The following TLN2 variants were observed in gnomAD, a reference collection of about 807,000 sequenced individuals.
TLN2 encodes the protein talin 2.
Under a neutral mutation model 294.7 loss-of-function variants are expected in TLN2, and 118 were observed. The ratio of observed to expected loss-of-function variants is 0.40; its 90% CI spans 0.34 to 0.47. The LOEUF (loss-of-function observed/expected upper bound fraction) is 0.47. Among genes scored for constraint, TLN2 ranks in the 20% least tolerant of loss-of-function variants. The pLI, the probability that TLN2 is intolerant of heterozygous loss-of-function variation, is 0.84. For synonymous variants in TLN2, 1,431 were observed against 1,304.5 expected, an observed-to-expected ratio of 1.10 and a Z score of -2.09; for missense variants, 3,083 against 3,282.2, an observed-to-expected ratio of 0.94 and a Z score of 1.48.
intron 54 of TLN2, among the ~76,000 whole-genome samples, chr15:62,825,140 C>T (rs143820400): frequency 2.6e-5 from 4 of 152,118 alleles, no homozygotes; most frequent in Non-Finnish European, 4.4e-5. Flanking sequence ...CATTGAGAAG[C>T]GATCTGTGTG....
chr15:62,586,123 A>C (rs917653808), intron 1 of TLN2, among the ~76,000 whole-genome samples: 1 of 152,192 alleles, frequency 6.6e-6, no homozygotes, highest in Non-Finnish European at 1.5e-5. Context: ...CCTAAATGCA[A>C]CGTTTTGTCT....
intron 13 of TLN2, among the ~76,000 whole-genome samples, chr15:62,693,247 G>A (rs1362424438): frequency 1.3e-5 from 2 of 152,130 alleles, no homozygotes; most frequent in Non-Finnish European, 2.9e-5. Flanking sequence ...CAGGAGAATC[G>A]CTTGAACCTG....
intron 24 of TLN2, among the ~76,000 whole-genome samples, chr15:62,718,538 A>G (rs2059927457): frequency 6.6e-6 from 1 of 152,152 alleles, no homozygotes; most frequent in Non-Finnish European, 1.5e-5. Flanking sequence ...GGAGCCCTGT[A>G]TTCCTGAATC....
At chr15:62,837,049 A>AT (rs1382810070) in intron 57 of TLN2, among the ~76,000 whole-genome samples, 10 of 152,008 alleles carry the variant, frequency 6.6e-5, no homozygotes, top group Non-Finnish European at 1.0e-4. Context: ...AATTTTCGAG[A>AT]TTTTTTTATT....
chr15:62,513,392 C>T (rs1413947372), intron 1 of TLN2, among the ~76,000 whole-genome samples: 1 of 152,226 alleles, frequency 6.6e-6, no homozygotes, highest in Non-Finnish European at 1.5e-5. Flanking sequence ...CTTTCCTGCT[C>T]AGCATCTGTG....
At chr15:62,806,032 A>T (rs112471278) in intron 51 of TLN2, among the ~76,000 whole-genome samples, 73 of 152,070 alleles carry the variant, frequency 4.8e-4, no homozygotes, top group Admixed American at 1.0e-3. Context: ...CTTAAAAAAA[A>T]TTTTTTTTAA....
rs1158144919 is a variant in TLN2 at position 62,689,846 on chromosome 15, C to CTTTTTTTTTTTTTTTTTTTTTTT, written c.1114-2985_1114-2963dup. Among the ~76,000 whole-genome samples the CTTTTTTTTTTTTTTTTTTTTTTT allele has an allele frequency of 9.7e-4, 15 of 15,416 alleles. 6 individuals are homozygous for CTTTTTTTTTTTTTTTTTTTTTTT. Among genetic ancestry groups the CTTTTTTTTTTTTTTTTTTTTTTT allele is most frequent in the Non-Finnish European group, 1.8e-3 (12 of 6,514 alleles). 10.1% of individuals were successfully genotyped at this position (15,416 alleles called of 152,430 possible). A position where few individuals can be genotyped will look rare whatever the true frequency, so the allele number is the denominator to read the frequency against. On this transcript the variant is annotated intron_variant, in intron 12 of 58. Coordinates refer to ENST00000636159, the MANE Select transcript of TLN2 (RefSeq NM_015059.3). ...TTTTCAAAATTCTTGGTATGGGCTT[C>CTTTTTTTTTTTTTTTTTTTTTTT]TTTTTTTTTTTTTTTTTTTTTTTTT...
chr15:62,686,840 A>G (rs2057330912), intron 12 of TLN2, 44 bp downstream of exon 12: 2 of 1,604,840 alleles, frequency 1.2e-6, no homozygotes, highest in East Asian at 2.2e-5. Context: ...CGTGGCCTTG[A>G]GTGATATTGT....
chr15:62,561,767 A>C (rs2042980533), intron 1 of TLN2, among the ~76,000 whole-genome samples: 2 of 149,158 alleles, frequency 1.3e-5, no homozygotes, highest in African/African-American at 5.0e-5. Flanking sequence ...TCCCTTTCCG[A>C]CTCCCTGGGC....
At chr15:62,712,328 A>G (rs1424317074) in intron 22 of TLN2, among the ~76,000 whole-genome samples, 1 of 152,140 alleles carries the variant, frequency 6.6e-6, no homozygotes, top group Non-Finnish European at 1.5e-5. Context: ...CTCTTTTTCC[A>G]TTTGGTCATC....
rs1567686439 is a variant in TLN2, at chr15:62,825,771, TATATAATATA to T, written c.7002+5162_7002+5171del. ...ATTAAATATAATTATAATTATATATTATATAATATATTATATATTATAATATATATTATAT... is the reference window on the plus strand; with the variant it reads ...ATTAAATATAATTATAATTATATATTTTATATATTATAATATATATTATAT... On this transcript the variant is annotated intron_variant, in intron 54 of 58. Coordinates refer to ENST00000636159, the MANE Select transcript of TLN2 (RefSeq NM_015059.3). Among the ~76,000 whole-genome samples the T allele has an allele frequency of 2.0e-3, 88 of 43,030 alleles. 5 individuals carry two copies. The highest frequency in any genetic ancestry group is 7.6e-3 in the African/African-American group (83 of 10,964). 28.2% of individuals were successfully genotyped at this position (43,030 alleles called of 152,430 possible).
intron 1 of TLN2, among the ~76,000 whole-genome samples, chr15:62,582,195 T>TACCCACACACACAC (rs1333205540): frequency 1.5e-5 from 1 of 66,474 alleles, no homozygotes; most frequent in Non-Finnish European, 2.9e-5. Context: ...TGTGTATGCA[T>TACCCACACACACAC]ACACACACAC....
At chr15:62,635,438 T>G (rs2050282477) in intron 3 of TLN2, among the ~76,000 whole-genome samples, 1 of 152,096 alleles carries the variant, frequency 6.6e-6, no homozygotes, top group Non-Finnish European at 1.5e-5. Flanking sequence ...ATGTAAAGAG[T>G]TTACAATACT....
At chr15:62,752,239 G>T in intron 34 of TLN2, 66 bp from the exon 35 acceptor site, 2 of 1,570,950 alleles carry the variant, frequency 1.3e-6, no homozygotes, top group Non-Finnish European at 1.7e-6. Context: ...TTGGAGTGTA[G>T]CCTCCTTTAC....
chr15:62,771,073 C>G lies in TLN2; in HGVS notation c.5306C>G (p.Thr1769Ser). 1 of 1,613,698 alleles carries G rather than the reference C, an allele frequency of 6.2e-7. No individual in the cohort carries two copies. Residue 1769 changes from threonine to serine, a missense_variant, in exon 42 of 59, where the codon ACT (threonine) becomes AGT (serine). Thr to Ser is a moderately conservative substitution (Grantham distance 58). Transcript: ENST00000636159. ...ATGACGGTGCTGGACCAGACCAAGA[C>G]TCTCGCAGAGTCTGCCTTGCAGATG... ...QQMTVLDQTK[T>S]LAESALQMLY... is the part of the protein sequence containing the mutation.
intron 1 of TLN2, among the ~76,000 whole-genome samples, chr15:62,449,751 G>C (rs952912496): frequency 2.0e-5 from 3 of 152,160 alleles, no homozygotes; most frequent in Admixed American, 1.3e-4. Flanking sequence ...ATCCCAGTTT[G>C]GGTGACAGAG....
rs867332167 is a variant in TLN2 at position 62,809,997 on chromosome 15, C to T, written c.6736C>T (p.Leu2246Phe). ...RALRFGTECT[L>F]GYLDLLEHVL... ...CTTGCGTTTCGGGACGGAGTGCACC[C>T]TTGGCTACTTGGACCTCCTGGAGCA... Residue 2246 changes from leucine to phenylalanine, a missense_variant, in exon 52 of 59, where the codon CTT becomes TTT. Leu to Phe is a conservative substitution (Grantham distance 22). Coordinates refer to ENST00000636159, the MANE Select transcript of TLN2 (RefSeq NM_015059.3). 6.2e-7 allele frequency: 1 copy of T among 1,614,048 alleles called. No homozygotes were observed. The highest frequency in any genetic ancestry group is 2.2e-5 in the East Asian group (1 of 44,872).
At chr15:62,766,457 C>T (rs371895528) in intron 41 of TLN2, 35 bp downstream of exon 41, 80 of 1,565,260 alleles carry the variant, frequency 5.1e-5, no homozygotes, top group Admixed American at 1.7e-4. Flanking sequence ...CGAGGGTGTG[C>T]GTGTTATCAC....
intron 1 of TLN2, among the ~76,000 whole-genome samples, chr15:62,454,653 A>T (rs571394611): frequency 6.6e-6 from 1 of 152,030 alleles, no homozygotes; most frequent in Non-Finnish European, 1.5e-5. Flanking sequence ...GCTTGTCTCC[A>T]TAGGACTTCA....
Sources: allele counts gnomAD v4.1 joint callset (sites outside exome capture counted in the v4.1 genomes callset), GRCh38; gene constraint gnomAD v4.1.1; transcripts MANE v1.5; gene names NCBI Gene and HGNC (gene_info 2026-07-23, HGNC 2026-07-21).